The following STARD13 variants were observed in gnomAD, a reference collection of about 807,000 sequenced individuals.
STARD13 encodes stAR-related lipid transfer protein 13.
Under a neutral mutation model 106.4 loss-of-function variants are expected in STARD13, and 62 were observed. The observed-to-expected ratio is 0.58, with a 90% CI of 0.48 to 0.72. The LOEUF (loss-of-function observed/expected upper bound fraction) is 0.72, where lower values mean the gene tolerates loss of function less well. STARD13 is among the 30% of genes least tolerant of loss of function. STARD13 has a pLI of 0.00. For synonymous variants in STARD13, 565 were observed against 553.0 expected (o/e 1.02, Z -0.31); for missense variants, 1,387 against 1,424.0 (o/e 0.97, Z 0.42).
At chr13:33,403,571 G>T in the STARD13 span, among the ~76,000 whole-genome samples, 1 of 152,096 alleles carries the variant, frequency 6.6e-6, no homozygotes, top group South Asian at 2.1e-4. Context: ...TTTTTGAAAA[G>T]AAACGTAATA....
chr13:33,410,529 C>T, the STARD13 span, among the ~76,000 whole-genome samples: 3 of 152,268 alleles, frequency 2.0e-5, no homozygotes, highest in African/African-American at 7.2e-5. Context: ...AAGTACTTGT[C>T]ATTTCTCTCA....
intron 1 of STARD13, among the ~76,000 whole-genome samples, chr13:33,300,651 G>T (rs1290760475): frequency 6.6e-6 from 1 of 152,138 alleles, no homozygotes; most frequent in Non-Finnish European, 1.5e-5. Flanking sequence ...GTATAACTCA[G>T]AAAGACAATA....
At chr13:33,344,734 C>G (rs2078000582), downstream of STARD13, among the ~76,000 whole-genome samples, 1 of 152,088 alleles carries the variant, frequency 6.6e-6, no homozygotes, top group Admixed American at 6.5e-5. Flanking sequence ...CTTCCTGTGT[C>G]TATGATAAAT....
At chr13:33,127,996 GAGAC>G (rs1005598748) in intron 5 of STARD13, among the ~76,000 whole-genome samples, 1 of 116,660 alleles carries the variant, frequency 8.6e-6, no homozygotes, top group African/African-American at 2.7e-5. Flanking sequence ...AGAAAAGAGA[GAGAC>G]AGATGTAGAT....
chr13:33,409,869 AC>A, the STARD13 span, among the ~76,000 whole-genome samples: 1 of 152,254 alleles, frequency 6.6e-6, no homozygotes. Flanking sequence ...AAAGGAAGAC[AC>A]TGTGGTATTT....
chr13:33,539,944 T>C, the STARD13 span, among the ~76,000 whole-genome samples: 1 of 152,232 alleles, frequency 6.6e-6, no homozygotes. Flanking sequence ...GTCATACGCA[T>C]AGTATGTAAA....
At chr13:33,594,877 A>T in the STARD13 span, among the ~76,000 whole-genome samples, 1 of 152,164 alleles carries the variant, frequency 6.6e-6, no homozygotes, top group South Asian at 2.1e-4. Flanking sequence ...ACTTGACTGT[A>T]TGTGTATACT....
the STARD13 span, among the ~76,000 whole-genome samples, chr13:33,607,312 T>C: frequency 6.6e-6 from 1 of 151,782 alleles, no homozygotes; most frequent in African/African-American, 2.4e-5. Flanking sequence ...TTTTTTTTTT[T>C]TTTGAGACAG....
chr13:33,255,000 G>A (rs1304245976), intron 1 of STARD13, among the ~76,000 whole-genome samples: 1 of 152,132 alleles, frequency 6.6e-6, no homozygotes, highest in Non-Finnish European at 1.5e-5. Context: ...AGGGTCCACT[G>A]AGCTGGATAA....
intron 1 of STARD13, among the ~76,000 whole-genome samples, chr13:33,214,985 G>A (rs1200118661): frequency 6.6e-6 from 1 of 152,088 alleles, no homozygotes; most frequent in Non-Finnish European, 1.5e-5. Flanking sequence ...GGAAGCATTA[G>A]GTTCTACTGT....
chr13:33,172,905 C>A (rs910121208), intron 1 of STARD13, among the ~76,000 whole-genome samples: 4 of 152,132 alleles, frequency 2.6e-5, no homozygotes, highest in African/African-American at 7.2e-5. Context: ...GACAAACTGG[C>A]TCCAATTTAA....
At chr13:33,237,586 C>T (rs984660819) in intron 1 of STARD13, among the ~76,000 whole-genome samples, 2 of 152,182 alleles carry the variant, frequency 1.3e-5, no homozygotes, top group African/African-American at 4.8e-5. Context: ...TTAATCCTAA[C>T]TTTGGTGCTA....
chr13:33,663,963 A>G, the STARD13 span, among the ~76,000 whole-genome samples: 4 of 152,214 alleles, frequency 2.6e-5, no homozygotes, highest in African/African-American at 7.2e-5. Flanking sequence ...CACTCTGAAG[A>G]GAGACTGGCA....
the STARD13 span, among the ~76,000 whole-genome samples, chr13:33,493,695 G>A: frequency 9.2e-5 from 14 of 152,288 alleles, no homozygotes; most frequent in South Asian, 2.9e-3. Flanking sequence ...TTTTTAAAAA[G>A]TAGCTATTTT....
chr13:33,160,889 T>G (rs766921709), intron 3 of STARD13, among the ~76,000 whole-genome samples: 2 of 152,204 alleles, frequency 1.3e-5, no homozygotes, highest in Non-Finnish European at 2.9e-5. Flanking sequence ...AAACTTATCA[T>G]ATAGAGCCCA....
intron 1 of STARD13, among the ~76,000 whole-genome samples, chr13:33,322,808 C>T (rs1289072232): frequency 6.6e-6 from 1 of 152,190 alleles, no homozygotes; most frequent in Non-Finnish European, 1.5e-5. Context: ...TCTAGTTCTC[C>T]TTTCTACCAA....
At chr13:33,498,947 G>C in the STARD13 span, among the ~76,000 whole-genome samples, 3 of 152,144 alleles carry the variant, frequency 2.0e-5, no homozygotes, top group Non-Finnish European at 4.4e-5. Flanking sequence ...AGACCAGCCT[G>C]GCCAATATGG....
chr13:33,454,667 G>C, the STARD13 span, among the ~76,000 whole-genome samples: 4 of 152,286 alleles, frequency 2.6e-5, no homozygotes, highest in Admixed American at 2.6e-4. Flanking sequence ...TATGTGGTTG[G>C]CTCTAGAGCT....
At chr13:33,380,810 C>T in the STARD13 span, among the ~76,000 whole-genome samples, 1 of 151,888 alleles carries the variant, frequency 6.6e-6, no homozygotes, top group African/African-American at 2.4e-5. Context: ...GGTACCCGTG[C>T]CAGGTTCAGG....
Sources: gnomAD v4.1 joint callset for allele counts (sites outside exome capture counted in the v4.1 genomes callset) on GRCh38, gnomAD v4.1.1 for gene constraint, MANE v1.5 for transcripts, NCBI Gene and HGNC (gene_info 2026-07-23, HGNC 2026-07-21) for gene names.